The following GALNT9 variants were observed in gnomAD, a reference collection of about 807,000 sequenced individuals.
GALNT9 encodes the protein GalNAc transferase 9.
In GALNT9, 47 loss-of-function variants were observed where a neutral mutation model predicts 63.1. The observed-to-expected ratio is 0.75, with a 90% CI of 0.59 to 0.95. The LOEUF (loss-of-function observed/expected upper bound fraction) is 0.95, where lower values mean the gene tolerates loss of function less well. GALNT9 is among the 40% of genes least tolerant of loss of function. The probability of loss-of-function intolerance (pLI) is 0.00; values close to 1 mark genes in which losing one functional copy is unlikely to be tolerated. For synonymous variants in GALNT9, 396 were observed against 365.7 expected, an observed-to-expected ratio of 1.08 and a Z score of -0.94; for missense variants, 829 against 874.8, an observed-to-expected ratio of 0.95 and a Z score of 0.66.
intron 5 of GALNT9, among the ~76,000 whole-genome samples, chr12:132,251,454 G>A (rs1390144153): frequency 1.3e-5 from 2 of 152,284 alleles, no homozygotes; most frequent in Non-Finnish European, 1.5e-5. Flanking sequence ...GGCTGCTCTC[G>A]TTTCTGTGTG....
intron 5 of GALNT9, among the ~76,000 whole-genome samples, chr12:132,251,005 G>A (rs1485330849): frequency 4.6e-5 from 7 of 152,158 alleles, no homozygotes; most frequent in Admixed American, 4.6e-4. Context: ...CACAATCCAC[G>A]GAGAAGCTAA....
intron 5 of GALNT9, among the ~76,000 whole-genome samples, chr12:132,256,287 C>T (rs560288590): frequency 3.3e-5 from 5 of 151,932 alleles, no homozygotes; most frequent in African/African-American, 7.2e-5. Context: ...GCAGGAATCA[C>T]GCAGACACTC....
chr12:132,248,308 G>T (rs1200711778), intron 5 of GALNT9, among the ~76,000 whole-genome samples: 1 of 152,168 alleles, frequency 6.6e-6, no homozygotes, highest in Admixed American at 6.5e-5. Flanking sequence ...TAGTGTAGGA[G>T]GTTTAAAAAA....
At chr12:132,306,141 C>T (rs1288790148) in intron 1 of GALNT9, among the ~76,000 whole-genome samples, 3 of 152,240 alleles carry the variant, frequency 2.0e-5, no homozygotes, top group African/African-American at 4.8e-5. Flanking sequence ...TCAGAGCCCC[C>T]GTGGGGGGCC....
At chr12:132,229,198 A>G (rs1877807772) in intron 6 of GALNT9, among the ~76,000 whole-genome samples, 1 of 152,172 alleles carries the variant, frequency 6.6e-6, no homozygotes, top group Non-Finnish European at 1.5e-5. Flanking sequence ...ATCCTGGCTC[A>G]CAGGTGGCCG....
At chr12:132,250,172 G>A (rs1878853721) in intron 5 of GALNT9, among the ~76,000 whole-genome samples, 1 of 152,218 alleles carries the variant, frequency 6.6e-6, no homozygotes, top group Non-Finnish European at 1.5e-5. Flanking sequence ...GGCACCGAGG[G>A]CAGGGAGCCA....
At chr12:132,318,947 C>T (rs555151911) in intron 1 of GALNT9, among the ~76,000 whole-genome samples, 12 of 152,340 alleles carry the variant, frequency 7.9e-5, no homozygotes, top group East Asian at 1.9e-4. Flanking sequence ...GACATCCCTG[C>T]GGGGCCTCCC....
intron 1 of GALNT9, among the ~76,000 whole-genome samples, chr12:132,288,835 G>A (rs28599468): frequency 0.23 from 34,142 of 149,310 alleles, 3,835 homozygotes; most frequent in South Asian, 0.34. Flanking sequence ...GGTTTCGGAC[G>A]GCTGCCCGAT....
chr12:132,228,938 C>T (rs1028604374), intron 6 of GALNT9, among the ~76,000 whole-genome samples: 8 of 152,202 alleles, frequency 5.3e-5, no homozygotes, highest in Admixed American at 1.3e-4. Context: ...GGCCCCAAGA[C>T]GGGAGAATTA....
chr12:132,257,763 G>T lies in GALNT9; in HGVS notation c.885C>A (p.Asn295Lys), dbSNP rs1456645643. 4 of 1,550,462 alleles carry T rather than the reference G, an allele frequency of 2.6e-6. No homozygotes were observed. The Admixed American group carries it at 7.8e-5, about 30-fold the overall frequency. Residue 295 changes from asparagine (N) to lysine (K), a missense_variant, in exon 5 of 11, where the codon AAC (asparagine) becomes AAA (lysine). Transcript: ENST00000328957. ...QQYANAAHGY[N>K]WGLWCMYIIP... is the part of the protein sequence containing the mutation. ...TGATGTACATGCACCAGAGGCCCCAGTTGTAGCCATGGGCGGCGTTCGCAT... is the reference window on the plus strand; with the variant it reads ...TGATGTACATGCACCAGAGGCCCCATTTGTAGCCATGGGCGGCGTTCGCAT...
rs1273932415 is a variant in GALNT9 at position 132,298,725 on chromosome 12, C to T, written c.239-12295G>A. On this transcript the variant is annotated intron_variant, in intron 1 of 10. Transcript: ENST00000328957. ...ACCAAGCCACTGCTGAGATAACCCA[C>T]TCCCATGATAACTAACCCACTCCCA... 2.0e-5 allele frequency among the ~76,000 whole-genome samples: 3 copies of T among 150,992 alleles called. No homozygotes were observed. The East Asian group carries it at 5.9e-4, about 30-fold the overall frequency.
intron 2 of GALNT9, among the ~76,000 whole-genome samples, chr12:132,285,007 G>C (rs868941862): frequency 9.9e-5 from 15 of 152,252 alleles, no homozygotes; most frequent in African/African-American, 3.4e-4. Flanking sequence ...ATGGGGCTGA[G>C]ACACGCCTTT....
rs1157304425 is a variant in GALNT9, at chr12:132,303,387, ACAGCCTCG to A, written c.239-16965_239-16958del. Among the ~76,000 whole-genome samples the A allele has an allele frequency of 5.7e-3, 806 of 141,256 alleles. 19 individuals are homozygous for A. Among genetic ancestry groups the A allele is most frequent in the African/African-American group, 0.022 (751 of 34,326 alleles). The allele number at this position is 141,256 out of a possible 152,430, so 92.7% of individuals were successfully genotyped here. A position where few individuals can be genotyped will look rare whatever the true frequency, so the allele number is the denominator to read the frequency against. On this transcript the variant is annotated intron_variant, in intron 1 of 10. Transcript: ENST00000328957. Reference sequence around the variant, plus strand: ...TGAGAAGCAGCACCCTCTCCGGGGCACAGCCTCGCCCGGGCACACCCTCACCCGGGCAC... The same window carrying A: ...TGAGAAGCAGCACCCTCTCCGGGGCACCCGGGCACACCCTCACCCGGGCAC...
At chr12:132,322,454 G>A (rs1555246239) in intron 1 of GALNT9, among the ~76,000 whole-genome samples, 1 of 152,244 alleles carries the variant, frequency 6.6e-6, no homozygotes, top group Non-Finnish European at 1.5e-5. Flanking sequence ...TCAGCTCATA[G>A]GGGCTGGGCC....
At chr12:132,318,316 C>T (rs1338619953) in intron 1 of GALNT9, among the ~76,000 whole-genome samples, 7 of 152,236 alleles carry the variant, frequency 4.6e-5, no homozygotes, top group Admixed American at 2.6e-4. Flanking sequence ...TGGGGCTGGG[C>T]GGGCACTGGG....
At chr12:132,203,978 T>C (rs902271163) in intron 6 of GALNT9, among the ~76,000 whole-genome samples, 1 of 152,034 alleles carries the variant, frequency 6.6e-6, no homozygotes, top group African/African-American at 2.4e-5. Flanking sequence ...CCCCAACACT[T>C]AACAGGTTTT....
At chr12:132,226,114 C>T (rs1427013711) in intron 6 of GALNT9, among the ~76,000 whole-genome samples, 5 of 145,064 alleles carry the variant, frequency 3.4e-5, no homozygotes, top group Admixed American at 3.4e-4. Context: ...TACACACATA[C>T]ATCCCACACA....
At chr12:132,219,853 C>T (rs1413219141) in intron 6 of GALNT9, among the ~76,000 whole-genome samples, 1 of 149,716 alleles carries the variant, frequency 6.7e-6, no homozygotes, top group Non-Finnish European at 1.5e-5. Flanking sequence ...CCCAGGGTGA[C>T]ACCCGCCCGG....
intron 6 of GALNT9, among the ~76,000 whole-genome samples, chr12:132,243,205 G>A (rs1196173511): frequency 2.8e-4 from 28 of 98,858 alleles, no homozygotes; most frequent in African/African-American, 5.7e-4. Flanking sequence ...CCCTTCCCGG[G>A]GCCCTCCCTA....
Sources: gnomAD v4.1 joint callset for allele counts (sites outside exome capture counted in the v4.1 genomes callset) on GRCh38, gnomAD v4.1.1 for gene constraint, MANE v1.5 for transcripts, NCBI Gene and HGNC (gene_info 2026-07-23, HGNC 2026-07-21) for gene names.